The following SGCZ variants were observed in gnomAD, a reference collection of about 807,000 sequenced individuals.
SGCZ encodes zeta-sarcoglycan.
SGCZ carries 40 observed loss-of-function variants against 41.3 expected under a neutral mutation model. The ratio of observed to expected loss-of-function variants is 0.97; its 90% CI spans 0.75 to 1.26. The LOEUF (loss-of-function observed/expected upper bound fraction) is 1.26. Among genes scored for constraint, SGCZ ranks in the 50% most tolerant of loss-of-function variants. The pLI is 0.00. For missense variants in SGCZ, 552 were observed against 369.8 expected (o/e 1.49, Z -4.04); for synonymous variants, 206 against 137.5 (o/e 1.50, Z -3.49).
At chr8:14,742,039 A>G (rs947931587) in intron 1 of SGCZ, among the ~76,000 whole-genome samples, 2 of 152,090 alleles carry the variant, frequency 1.3e-5, no homozygotes, top group African/African-American at 2.4e-5. Flanking sequence ...TGTAATTACA[A>G]TAGTAAGAAA....
At chr8:15,145,234 G>A (rs781770619) in intron 1 of SGCZ, among the ~76,000 whole-genome samples, 1 of 152,052 alleles carries the variant, frequency 6.6e-6, no homozygotes, top group Non-Finnish European at 1.5e-5. Context: ...ACCTATAGCT[G>A]ATCAACTGTT....
At chr8:14,122,934 C>T (rs1802745159) in intron 5 of SGCZ, among the ~76,000 whole-genome samples, 1 of 152,172 alleles carries the variant, frequency 6.6e-6, no homozygotes, top group South Asian at 2.1e-4. Flanking sequence ...AGTAACTCAA[C>T]TGAATGTCAT....
At chr8:14,383,959 TTC>T (rs1585433245) in intron 2 of SGCZ, among the ~76,000 whole-genome samples, 1 of 151,934 alleles carries the variant, frequency 6.6e-6, no homozygotes, top group Non-Finnish European at 1.5e-5. Context: ...TTTCTTTTTT[TTC>T]TTTTTTTAAA....
At chr8:14,360,633 T>C (rs1249435584) in intron 2 of SGCZ, among the ~76,000 whole-genome samples, 9 of 152,058 alleles carry the variant, frequency 5.9e-5, no homozygotes, top group South Asian at 2.1e-4. Flanking sequence ...GCTGTTTATT[T>C]ATTTATTTAT....
intron 1 of SGCZ, among the ~76,000 whole-genome samples, chr8:14,824,241 G>A (rs1460567878): frequency 6.6e-6 from 1 of 151,968 alleles, no homozygotes; most frequent in African/African-American, 2.4e-5. Context: ...ACCAAGAGGG[G>A]CTCCTCAATG....
chr8:14,369,996 C>G (rs905994653), intron 2 of SGCZ, among the ~76,000 whole-genome samples: 3 of 151,786 alleles, frequency 2.0e-5, no homozygotes, highest in African/African-American at 7.3e-5. Flanking sequence ...GGAAATATCC[C>G]ACATCTGGTT....
At chr8:14,818,332 T>C (rs1421424301) in intron 1 of SGCZ, among the ~76,000 whole-genome samples, 1 of 152,122 alleles carries the variant, frequency 6.6e-6, no homozygotes, top group Admixed American at 6.6e-5. Context: ...TCACAAACTG[T>C]ACAGCCTACC....
intron 1 of SGCZ, among the ~76,000 whole-genome samples, chr8:15,211,535 T>G (rs933180399): frequency 2.0e-5 from 3 of 152,140 alleles, no homozygotes; most frequent in African/African-American, 7.2e-5. Context: ...AAAGAGAAGG[T>G]CTCAGATAGG....
chr8:14,457,230 G>C (rs1800771530), intron 2 of SGCZ, among the ~76,000 whole-genome samples: 2 of 152,186 alleles, frequency 1.3e-5, no homozygotes, highest in African/African-American at 4.8e-5. Flanking sequence ...GCCATACAGA[G>C]ATAGGAGCTG....
intron 5 of SGCZ, among the ~76,000 whole-genome samples, chr8:14,122,875 T>A (rs1243157856): frequency 1.3e-5 from 2 of 152,194 alleles, no homozygotes; most frequent in Non-Finnish European, 2.9e-5. Flanking sequence ...CTTTAAAAAG[T>A]GAGCCAGCTA....
chr8:14,372,713 A>T (rs73664332), intron 2 of SGCZ, among the ~76,000 whole-genome samples: 2 of 152,058 alleles, frequency 1.3e-5, no homozygotes, highest in Non-Finnish European at 2.9e-5. Context: ...TAAGGCAGAT[A>T]AGAAATGCGA....
Position 15,107,206 on chromosome 8 carries a change from TAAC to T in SGCZ, c.39+130376_39+130378del, listed in dbSNP as rs886903753. Among the ~76,000 whole-genome samples the T allele has an allele frequency of 1.8e-4, 28 of 152,198 alleles. 1 individual carries two copies. Among genetic ancestry groups the T allele is most frequent in the Admixed American group, 1.7e-3 (26 of 15,280 alleles). On this transcript the variant is annotated intron_variant, in intron 1 of 7. Transcript: ENST00000382080. ...TTGTTATCATGCTCTGCTGATTTTGTAACAATATTTTAGAACTCTTTTGTTCTC... is the reference window on the plus strand; with the variant it reads ...TTGTTATCATGCTCTGCTGATTTTGTAATATTTTAGAACTCTTTTGTTCTC...
chr8:15,004,848 G>A (rs1480673952), intron 1 of SGCZ, among the ~76,000 whole-genome samples: 3 of 150,962 alleles, frequency 2.0e-5, no homozygotes, highest in Non-Finnish European at 3.0e-5. Context: ...GGGTTCCCAA[G>A]TGTTTATCGC....
chr8:14,540,676 C>A, intron 2 of SGCZ, among the ~76,000 whole-genome samples: 1 of 151,782 alleles, frequency 6.6e-6, no homozygotes. Flanking sequence ...TGTTAGTGAT[C>A]ACATATCTTA....
intron 4 of SGCZ, among the ~76,000 whole-genome samples, chr8:14,192,894 T>A (rs1805148619): frequency 6.6e-6 from 1 of 152,096 alleles, no homozygotes; most frequent in Non-Finnish European, 1.5e-5. Context: ...AGACTATACT[T>A]TATACATTAT....
chr8:14,348,129 C>T (rs1223883834), intron 2 of SGCZ, among the ~76,000 whole-genome samples: 6 of 151,998 alleles, frequency 3.9e-5, no homozygotes, highest in Non-Finnish European at 8.8e-5. Flanking sequence ...TGCAACTCAG[C>T]TGTAACCAAT....
chr8:14,828,332 T>C (rs1260343629), intron 1 of SGCZ, among the ~76,000 whole-genome samples: 1 of 152,188 alleles, frequency 6.6e-6, no homozygotes, highest in Admixed American at 6.5e-5. Context: ...GTATCCTAAT[T>C]GAAGAGAAGC....
At chr8:14,253,868 G>A (rs1799372339) in intron 3 of SGCZ, among the ~76,000 whole-genome samples, 1 of 151,976 alleles carries the variant, frequency 6.6e-6, no homozygotes, top group Non-Finnish European at 1.5e-5. Flanking sequence ...TTCTCCTAGT[G>A]GAGAAATAAC....
rs537954813 is a variant in SGCZ at position 14,771,856 on chromosome 8, T to C, written c.40-216930A>G. Among the ~76,000 whole-genome samples, 202 of 152,250 alleles carry C rather than the reference T, an allele frequency of 1.3e-3. 1 individual carries two copies. The highest frequency in any genetic ancestry group is 4.8e-3 in the African/African-American group (198 of 41,560). ...GTGAAAAGATATTTCTTCATGAAAA[T>C]TCCCATGTAATTTGAATCAATATAT... On this transcript the variant is annotated intron_variant, in intron 1 of 7. Coordinates refer to ENST00000382080, the MANE Select transcript of SGCZ (RefSeq NM_139167.4).
Sources: gnomAD v4.1 joint callset for allele counts (sites outside exome capture counted in the v4.1 genomes callset) on GRCh38, gnomAD v4.1.1 for gene constraint, MANE v1.5 for transcripts, NCBI Gene and HGNC (gene_info 2026-07-23, HGNC 2026-07-21) for gene names.